The following SORCS1 variants were observed in gnomAD, a reference collection of about 807,000 sequenced individuals.
The protein encoded by SORCS1 is VPS10 domain-containing receptor SorCS1.
Under a neutral mutation model 146.1 loss-of-function variants are expected in SORCS1, and 60 were observed. That is an observed-to-expected ratio of 0.41 (90% confidence interval 0.33 to 0.51). SORCS1 has a LOEUF of 0.51. Among genes scored for constraint, SORCS1 ranks in the 20% least tolerant of loss-of-function variants. The probability of loss-of-function intolerance (pLI) is 0.21; values close to 1 mark genes in which losing one functional copy is unlikely to be tolerated. For missense variants in SORCS1, 1,352 were observed against 1,487.6 expected (o/e 0.91, Z 1.50); for synonymous variants, 637 against 584.0 (o/e 1.09, Z -1.31).
At chr10:106,828,230 C>CTA (rs1477720591) in intron 3 of SORCS1, among the ~76,000 whole-genome samples, 2 of 152,146 alleles carry the variant, frequency 1.3e-5, no homozygotes, top group Non-Finnish European at 2.9e-5. Flanking sequence ...ACTCCAGAGT[C>CTA]TATGCTCAAC....
At chr10:106,886,717 G>A (rs1951017739) in intron 2 of SORCS1, among the ~76,000 whole-genome samples, 1 of 152,208 alleles carries the variant, frequency 6.6e-6, no homozygotes, top group African/African-American at 2.4e-5. Context: ...AAGCTATGCA[G>A]CAGATCCATT....
chr10:107,141,439 G>A (rs978155260), intron 1 of SORCS1, among the ~76,000 whole-genome samples: 31 of 152,206 alleles, frequency 2.0e-4, no homozygotes, highest in African/African-American at 6.5e-4. Context: ...AGTATGCAGT[G>A]AGCCCAGTGG....
intron 17 of SORCS1, among the ~76,000 whole-genome samples, chr10:106,663,466 T>C (rs1219764587): frequency 6.6e-6 from 1 of 152,106 alleles, no homozygotes; most frequent in East Asian, 1.9e-4. Context: ...CTTTTAAACA[T>C]ATAAAACATA....
chr10:106,800,843 T>C (rs1946832939), intron 3 of SORCS1, among the ~76,000 whole-genome samples: 1 of 152,144 alleles, frequency 6.6e-6, no homozygotes, highest in African/African-American at 2.4e-5. Flanking sequence ...ACCCGGCCAG[T>C]TCCAGGTGAA....
chr10:107,131,596 G>A (rs951416753), intron 1 of SORCS1, among the ~76,000 whole-genome samples: 1 of 152,134 alleles, frequency 6.6e-6, no homozygotes, highest in African/African-American at 2.4e-5. Context: ...GTGGTGGCAG[G>A]TGCCTTTAGT....
chr10:106,735,512 T>C lies in SORCS1; in HGVS notation c.960-5398A>G, dbSNP rs556334933. 5.3e-5 allele frequency among the ~76,000 whole-genome samples: 8 copies of C among 152,252 alleles called. 1 individual carries two copies. The highest frequency in any genetic ancestry group is 1.9e-4 in the African/African-American group (8 of 41,548). On this transcript the variant is annotated intron_variant, in intron 5 of 25. Coordinates refer to ENST00000263054, the MANE Select transcript of SORCS1 (RefSeq NM_052918.5). ...AGGAAAAGCAAGGTCCAGGAACCCTTTGGAGTAAATGAATCAAATCTTCAA... is the reference window on the plus strand; with the variant it reads ...AGGAAAAGCAAGGTCCAGGAACCCTCTGGAGTAAATGAATCAAATCTTCAA...
intron 21 of SORCS1, among the ~76,000 whole-genome samples, chr10:106,615,666 A>G (rs1847312582): frequency 6.6e-6 from 1 of 152,166 alleles, no homozygotes; most frequent in Non-Finnish European, 1.5e-5. Context: ...TATGTATATG[A>G]ATCTCTGGAT....
intron 3 of SORCS1, among the ~76,000 whole-genome samples, chr10:106,812,680 G>C (rs891953965): frequency 6.6e-6 from 1 of 152,092 alleles, no homozygotes. Flanking sequence ...GTGTTTAATA[G>C]AGTAAATGCA....
intron 1 of SORCS1, among the ~76,000 whole-genome samples, chr10:106,993,774 AT>A (rs1956870920): frequency 6.6e-6 from 1 of 152,094 alleles, no homozygotes; most frequent in African/African-American, 2.4e-5. Flanking sequence ...AAATTTTCAT[AT>A]ATAGAAGGGA....
intron 2 of SORCS1, among the ~76,000 whole-genome samples, chr10:106,899,832 A>C (rs1951634006): frequency 6.6e-6 from 1 of 152,082 alleles, no homozygotes; most frequent in South Asian, 2.1e-4. Flanking sequence ...TGCCCAAATG[A>C]ATGCTTCCTT....
chr10:106,593,093 C>T (rs1262548606), intron 24 of SORCS1, among the ~76,000 whole-genome samples: 1 of 149,112 alleles, frequency 6.7e-6, no homozygotes, highest in African/African-American at 2.5e-5. Flanking sequence ...CATGCCACTT[C>T]ACTCCAGCTT....
intron 17 of SORCS1, among the ~76,000 whole-genome samples, chr10:106,664,764 C>A (rs891596356): frequency 3.3e-5 from 5 of 152,088 alleles, no homozygotes; most frequent in Admixed American, 6.6e-5. Context: ...GTTTCAGCCT[C>A]CTATCATCAA....
chr10:106,858,607 CAAAAAAAAAA>C (rs71482495), intron 2 of SORCS1, among the ~76,000 whole-genome samples: 1 of 81,162 alleles, frequency 1.2e-5, no homozygotes, highest in Non-Finnish European at 2.3e-5. Flanking sequence ...GCCTCTGTCT[CAAAAAAAAAA>C]AAAAAAAAAG....
chr10:107,146,194 T>C (rs1240238566), intron 1 of SORCS1, among the ~76,000 whole-genome samples: 1 of 152,152 alleles, frequency 6.6e-6, no homozygotes, highest in Non-Finnish European at 1.5e-5. Context: ...TAAATGTCCA[T>C]CACATACACC....
At chr10:106,600,405 T>A (rs958412570) in intron 23 of SORCS1, 8 of 980,270 alleles carry the variant, frequency 8.2e-6, no homozygotes, top group Non-Finnish European at 9.7e-6. Flanking sequence ...TGAGAAAAAA[T>A]TTGCATAAGA....
chr10:106,953,987 T>C (rs776711647), intron 2 of SORCS1, among the ~76,000 whole-genome samples: 2 of 152,232 alleles, frequency 1.3e-5, no homozygotes, highest in Non-Finnish European at 2.9e-5. Flanking sequence ...CTGATACTAA[T>C]GGGATGTGAT....
chr10:106,995,573 T>C (rs1010131216), intron 1 of SORCS1, among the ~76,000 whole-genome samples: 2 of 152,182 alleles, frequency 1.3e-5, no homozygotes, highest in African/African-American at 4.8e-5. Flanking sequence ...TGCCTTCACT[T>C]CACTGGGTGA....
chr10:106,785,547 T>G (rs970612818), intron 3 of SORCS1, among the ~76,000 whole-genome samples: 1 of 152,182 alleles, frequency 6.6e-6, no homozygotes, highest in Non-Finnish European at 1.5e-5. Flanking sequence ...GTAGAGGGAA[T>G]TTTTTCCCTT....
In SORCS1 at chr10:106,675,202, A is replaced by G. The variant is rs1223850366; in HGVS notation, c.1833-46T>C. The G allele has an allele frequency of 2.1e-6, 3 of 1,408,864 alleles. No homozygotes were observed. In the African/African-American group the frequency reaches 4.3e-5, roughly 20 times the overall value. The allele number at this position is 1,408,864 out of a possible 1,614,324, so 87.3% of individuals were successfully genotyped here. On this transcript the variant is annotated intron_variant, in intron 13 of 25. Coordinates refer to ENST00000263054, the MANE Select transcript of SORCS1 (RefSeq NM_052918.5). Reference sequence around the variant, plus strand: ...AGTCATCAGATCTCCAAAGGAAAAAAAAATGTCATTTCAAAGGAAAGATAC... The same window carrying G: ...AGTCATCAGATCTCCAAAGGAAAAAGAAATGTCATTTCAAAGGAAAGATAC...
Sources: gnomAD v4.1 joint callset for allele counts (sites outside exome capture counted in the v4.1 genomes callset) on GRCh38, gnomAD v4.1.1 for gene constraint, MANE v1.5 for transcripts, NCBI Gene and HGNC (gene_info 2026-07-23, HGNC 2026-07-21) for gene names.